The following MEGF11 variants were observed in gnomAD, a reference collection of about 807,000 sequenced individuals.
The protein encoded by MEGF11 is multiple EGF like domains 11, also known as multiple epidermal growth factor-like domains protein 11.
In MEGF11, 126 loss-of-function variants were observed where a neutral mutation model predicts 146.6. The observed-to-expected ratio is 0.86, with a 90% confidence interval of 0.74 to 1.00. MEGF11 has a LOEUF of 1.00. Ranked by LOEUF, MEGF11 falls within the 50% of genes least tolerant of loss-of-function variation. MEGF11 has a pLI of 0.00. For synonymous variants in MEGF11, 532 were observed against 583.4 expected (o/e 0.91, Z 1.27); for missense variants, 1,509 against 1,521.2 (o/e 0.99, Z 0.13).
chr15:66,045,070 T>A (rs2084149956), intron 5 of MEGF11, among the ~76,000 whole-genome samples: 1 of 152,104 alleles, frequency 6.6e-6, no homozygotes, highest in African/African-American at 2.4e-5. Context: ...GCTGCTATAA[T>A]AAACATCCCC....
intron 5 of MEGF11, among the ~76,000 whole-genome samples, chr15:66,065,517 C>T (rs528397486): frequency 2.0e-5 from 3 of 152,230 alleles, no homozygotes; most frequent in East Asian, 1.9e-4. Flanking sequence ...TTCCAAGTAG[C>T]GTTTCCCTTG....
At chr15:66,229,831 G>A (rs1054481481) in intron 1 of MEGF11, among the ~76,000 whole-genome samples, 2 of 152,210 alleles carry the variant, frequency 1.3e-5, no homozygotes, top group African/African-American at 4.8e-5. Flanking sequence ...GAATTTAGGT[G>A]ATTAAAATGA....
At chr15:66,171,417 G>C (rs1293610647) in intron 1 of MEGF11, among the ~76,000 whole-genome samples, 1 of 148,296 alleles carries the variant, frequency 6.7e-6, no homozygotes, top group Admixed American at 6.7e-5. Context: ...GGAGGATGAT[G>C]AAAACGCCCC....
intron 5 of MEGF11, among the ~76,000 whole-genome samples, chr15:66,065,833 G>A (rs569089826): frequency 3.3e-5 from 5 of 152,294 alleles, no homozygotes; most frequent in South Asian, 2.1e-4. Flanking sequence ...AGGGCCCGGC[G>A]AAGTGGGGGA....
At chr15:66,207,136 G>C (rs1415434738) in intron 1 of MEGF11, among the ~76,000 whole-genome samples, 1 of 152,116 alleles carries the variant, frequency 6.6e-6, no homozygotes, top group Non-Finnish European at 1.5e-5. Context: ...AAAAAATATA[G>C]AGAGAAATAA....
chr15:66,194,266 G>A (rs2090952799), intron 1 of MEGF11, among the ~76,000 whole-genome samples: 1 of 152,170 alleles, frequency 6.6e-6, no homozygotes, highest in African/African-American at 2.4e-5. Flanking sequence ...AACATCATAT[G>A]TTCTTACTCA....
chr15:66,207,805 G>A lies in MEGF11; in HGVS notation c.-9+45800C>T, dbSNP rs550163321. ...CTGGCATAAAGGAGAAGGAGAGGCCGGGAATGGTGGCTCACGCCTGTAGTC... is the reference window on the plus strand; with the variant it reads ...CTGGCATAAAGGAGAAGGAGAGGCCAGGAATGGTGGCTCACGCCTGTAGTC... On this transcript the variant is annotated intron_variant, in intron 1 of 25. Transcript: ENST00000395614. Among the ~76,000 whole-genome samples the A allele has an allele frequency of 3.9e-5, 6 of 152,268 alleles. No individual in the cohort carries two copies. In the East Asian group the frequency reaches 5.8e-4, roughly 15 times the overall value.
chr15:66,127,141 G>A (rs569257144), intron 2 of MEGF11, among the ~76,000 whole-genome samples: 1 of 152,358 alleles, frequency 6.6e-6, no homozygotes, highest in African/African-American at 2.4e-5. Flanking sequence ...GCTCAGAGCC[G>A]TTCAGAGACT....
At chr15:66,102,888 G>A (rs992468284) in intron 4 of MEGF11, among the ~76,000 whole-genome samples, 6 of 152,196 alleles carry the variant, frequency 3.9e-5, no homozygotes, top group Non-Finnish European at 8.8e-5. Flanking sequence ...TTATCATGCT[G>A]TACTGGATAA....
chr15:66,067,142 G>A (rs560685853), intron 5 of MEGF11, among the ~76,000 whole-genome samples: 1 of 152,352 alleles, frequency 6.6e-6, no homozygotes, highest in African/African-American at 2.4e-5. Flanking sequence ...CATCACAAGT[G>A]CAGGATGAAT....
At chr15:65,948,314 GT>G (rs796714117) in intron 10 of MEGF11, among the ~76,000 whole-genome samples, 26 of 148,730 alleles carry the variant, frequency 1.7e-4, no homozygotes, top group Non-Finnish European at 1.5e-4. Flanking sequence ...TTCTGACCTT[GT>G]TTTTTTTTTG....
intron 1 of MEGF11, among the ~76,000 whole-genome samples, chr15:66,232,184 A>G (rs1212755631): frequency 6.6e-6 from 1 of 152,192 alleles, no homozygotes; most frequent in East Asian, 1.9e-4. Context: ...AGGTCTCAAG[A>G]GTCAAAGGTG....
intron 5 of MEGF11, among the ~76,000 whole-genome samples, chr15:66,054,445 A>G (rs2084595204): frequency 6.6e-6 from 1 of 150,738 alleles, no homozygotes. Flanking sequence ...CCCTTTCCCA[A>G]CTCCTGGCCT....
chr15:66,047,408 C>T (rs2084254332), intron 5 of MEGF11, among the ~76,000 whole-genome samples: 1 of 152,144 alleles, frequency 6.6e-6, no homozygotes, highest in Non-Finnish European at 1.5e-5. Context: ...TTCTCTGAGC[C>T]ATGGTTTCCT....
chr15:66,110,596 G>A (rs141292274), intron 4 of MEGF11, among the ~76,000 whole-genome samples: 24 of 152,278 alleles, frequency 1.6e-4, no homozygotes, highest in African/African-American at 5.3e-4. Flanking sequence ...GTACCTGCAA[G>A]GCATAGATAT....
intron 1 of MEGF11, among the ~76,000 whole-genome samples, chr15:66,168,871 C>G (rs1438787766): frequency 6.6e-6 from 1 of 152,106 alleles, no homozygotes. Flanking sequence ...GCCTGTAATC[C>G]CAGCTACTTG....
At chr15:66,034,581 G>A (rs1193953277) in intron 5 of MEGF11, among the ~76,000 whole-genome samples, 1 of 151,858 alleles carries the variant, frequency 6.6e-6, no homozygotes, top group Non-Finnish European at 1.5e-5. Flanking sequence ...CACCATGCCT[G>A]GCTAATTTTT....
intron 5 of MEGF11, among the ~76,000 whole-genome samples, chr15:66,082,542 G>A (rs1003049667): frequency 2.1e-5 from 3 of 141,728 alleles, no homozygotes; most frequent in Non-Finnish European, 4.5e-5. Flanking sequence ...GTGTGGTGGT[G>A]TGTACCTGTA....
At chr15:66,168,279 G>C (rs931635920) in intron 1 of MEGF11, among the ~76,000 whole-genome samples, 1 of 151,960 alleles carries the variant, frequency 6.6e-6, no homozygotes, top group African/African-American at 2.4e-5. Flanking sequence ...CCCTTGTCTT[G>C]GTAACTGCTG....
Sources: gnomAD v4.1 joint callset for allele counts (sites outside exome capture counted in the v4.1 genomes callset) on GRCh38, gnomAD v4.1.1 for gene constraint, MANE v1.5 for transcripts, NCBI Gene and HGNC (gene_info 2026-07-23, HGNC 2026-07-21) for gene names.